Variants in KCTD16 observed in about 807,000 individuals in gnomAD.
The protein encoded by KCTD16 is BTB/POZ domain-containing protein KCTD16.
KCTD16 carries 13 observed loss-of-function variants against 33.2 expected under a neutral mutation model. That is an observed-to-expected ratio of 0.39 (90% CI 0.25 to 0.62). The LOEUF (loss-of-function observed/expected upper bound fraction) is 0.62. Among genes scored for constraint, KCTD16 ranks in the 20% least tolerant of loss-of-function variants. The probability of loss-of-function intolerance (pLI) is 0.50; values close to 1 mark genes in which losing one functional copy is unlikely to be tolerated. For missense variants in KCTD16, 441 were observed against 525.1 expected (o/e 0.84, Z 1.57); for synonymous variants, 197 against 195.3 (o/e 1.01, Z -0.07).
intron 3 of KCTD16, among the ~76,000 whole-genome samples, chr5:144,213,611 A>G (rs557382738): frequency 6.6e-6 from 1 of 152,310 alleles, no homozygotes; most frequent in South Asian, 2.1e-4. Context: ...TAGAGGCCTA[A>G]TCAAATTCAC....
In KCTD16 at chr5:144,235,684, G is replaced by A. The variant is rs371513351; in HGVS notation, c.832+28138G>A. On this transcript the variant is annotated intron_variant, in intron 3 of 3. Transcript: ENST00000512467. ...TATTACTAGTATAGAAATGAGAGAT[G>A]AGAGACTTCAAAAAGCTTTTTAGAT... Among the ~76,000 whole-genome samples, 71 of 152,120 alleles carry A rather than the reference G, an allele frequency of 4.7e-4. 1 individual carries two copies. In the South Asian group the frequency reaches 0.014, roughly 31 times the overall value.
At chr5:144,263,111 A>G (rs972737498) in intron 3 of KCTD16, among the ~76,000 whole-genome samples, 1 of 152,246 alleles carries the variant, frequency 6.6e-6, no homozygotes, top group Non-Finnish European at 1.5e-5. Context: ...GTGAACTGGG[A>G]CATATGGTCA....
rs139606104 is a variant in KCTD16 at position 144,447,245 on chromosome 5, A to T, written c.833-26415A>T. On this transcript the variant is annotated intron_variant, in intron 3 of 3. Transcript: ENST00000512467. ...TTCAGCCATAGCAAAGAATGAGTTCATGTCCTTAGCAGGGACGTGGATGAA... is the reference window on the plus strand; with the variant it reads ...TTCAGCCATAGCAAAGAATGAGTTCTTGTCCTTAGCAGGGACGTGGATGAA... 9.0e-4 allele frequency among the ~76,000 whole-genome samples: 137 copies of T among 152,298 alleles called. 2 individuals are homozygous for T. The East Asian group carries it at 0.024, about 27-fold the overall frequency.
chr5:144,413,386 A>G (rs562507996), intron 3 of KCTD16, among the ~76,000 whole-genome samples: 1 of 152,308 alleles, frequency 6.6e-6, no homozygotes, highest in Admixed American at 6.5e-5. Flanking sequence ...ATTGTGTGGT[A>G]TTTTTTATGG....
intron 3 of KCTD16, among the ~76,000 whole-genome samples, chr5:144,453,462 G>C (rs1018659547): frequency 6.6e-6 from 1 of 152,134 alleles, no homozygotes; most frequent in African/African-American, 2.4e-5. Context: ...TTTCATAAGA[G>C]TCTGAAAGTC....
intron 3 of KCTD16, among the ~76,000 whole-genome samples, chr5:144,352,200 A>G (rs952234066): frequency 2.0e-5 from 3 of 152,214 alleles, no homozygotes; most frequent in Non-Finnish European, 4.4e-5. Flanking sequence ...TAATATGATA[A>G]TGTCCTCTTC....
chr5:144,378,785 AC>A (rs1337493601), intron 3 of KCTD16, among the ~76,000 whole-genome samples: 1 of 152,224 alleles, frequency 6.6e-6, no homozygotes, highest in Non-Finnish European at 1.5e-5. Context: ...CAGCTAATGT[AC>A]CAGGCATGGA....
rs536338982 is a variant in KCTD16, at chr5:144,299,126, A to G, written c.832+91580A>G. 5.9e-4 allele frequency among the ~76,000 whole-genome samples: 14 copies of G among 23,802 alleles called. 1 individual carries two copies. The highest frequency in any genetic ancestry group is 9.1e-4 in the Non-Finnish European group (14 of 15,452). 15.6% of individuals were successfully genotyped at this position (23,802 alleles called of 152,430 possible). Reference sequence around the variant, plus strand: ...TATATATATATATATATATATATATATATATATATATATATATATATATTT... The same window carrying G: ...TATATATATATATATATATATATATGTATATATATATATATATATATATTT... On this transcript the variant is annotated intron_variant, in intron 3 of 3. Coordinates refer to ENST00000512467, the MANE Select transcript of KCTD16 (RefSeq NM_020768.4).
At chr5:144,389,529 TTTA>T (rs1222967360) in intron 3 of KCTD16, among the ~76,000 whole-genome samples, 1 of 152,008 alleles carries the variant, frequency 6.6e-6, no homozygotes, top group African/African-American at 2.4e-5. Flanking sequence ...GAAAAGCAAG[TTTA>T]GGGCTCCCAT....
chr5:144,393,321 C>T (rs190060527), intron 3 of KCTD16, among the ~76,000 whole-genome samples: 8 of 152,144 alleles, frequency 5.3e-5, no homozygotes, highest in East Asian at 1.9e-4. Flanking sequence ...TGTCATTCAA[C>T]GAAGAGAGAG....
intron 3 of KCTD16, among the ~76,000 whole-genome samples, chr5:144,447,570 A>G (rs1753848722): frequency 6.6e-6 from 1 of 152,098 alleles, no homozygotes; most frequent in Non-Finnish European, 1.5e-5. Context: ...AAAAAAGAAA[A>G]AAGAAAAAAC....
At chr5:144,297,434 G>GAT (rs1312642419) in intron 3 of KCTD16, among the ~76,000 whole-genome samples, 2 of 152,212 alleles carry the variant, frequency 1.3e-5, no homozygotes, top group African/African-American at 4.8e-5. Context: ...TACAAGGCCG[G>GAT]ATATCTCTCC....
intron 3 of KCTD16, among the ~76,000 whole-genome samples, chr5:144,365,511 C>T (rs776119763): frequency 1.6e-4 from 25 of 152,252 alleles, no homozygotes; most frequent in Non-Finnish European, 2.8e-4. Flanking sequence ...TTCCTATTCC[C>T]ATTTGAAATT....
intron 2 of KCTD16, among the ~76,000 whole-genome samples, chr5:144,186,351 TTA>T (rs138817141): frequency 0.34 from 40,696 of 121,232 alleles, 6,357 homozygotes; most frequent in African/African-American, 0.5. Flanking sequence ...CTCATTTTTT[TTA>T]AAAAAAAAAA....
intron 3 of KCTD16, among the ~76,000 whole-genome samples, chr5:144,362,249 C>G (rs1297622634): frequency 6.6e-6 from 1 of 152,020 alleles, no homozygotes; most frequent in African/African-American, 2.4e-5. Context: ...ATCCAGGTTG[C>G]CATGGGTGTA....
chr5:144,431,146 A>T (rs986830581), intron 3 of KCTD16, among the ~76,000 whole-genome samples: 2 of 152,152 alleles, frequency 1.3e-5, no homozygotes, highest in African/African-American at 4.8e-5. Flanking sequence ...GAAATTAGAA[A>T]AAAACTCATT....
Position 144,226,835 on chromosome 5 carries a change from A to C in KCTD16, c.832+19289A>C, listed in dbSNP as rs527564263. On this transcript the variant is annotated intron_variant, in intron 3 of 3. Transcript: ENST00000512467. ...TGATCTGCCCGCCTTGGCCTCCCAA[A>C]ATGCTGGGATTACAGGTGTGAGACA... Among the ~76,000 whole-genome samples, 7 of 152,324 alleles carry C rather than the reference A, an allele frequency of 4.6e-5. No individual in the cohort carries two copies. The South Asian group carries it at 1.2e-3, about 27-fold the overall frequency.
intron 3 of KCTD16, among the ~76,000 whole-genome samples, chr5:144,257,064 T>C (rs1157134229): frequency 1.3e-5 from 2 of 152,226 alleles, no homozygotes; most frequent in East Asian, 3.8e-4. Flanking sequence ...ACTTTTTGTG[T>C]ATCTCACTTT....
intron 3 of KCTD16, among the ~76,000 whole-genome samples, chr5:144,214,306 G>C (rs1057124128): frequency 6.6e-6 from 1 of 152,038 alleles, no homozygotes; most frequent in Non-Finnish European, 1.5e-5. Flanking sequence ...TTGCAAATGA[G>C]CTTAAATTGT....
Sources: gnomAD v4.1 joint callset for allele counts (sites outside exome capture counted in the v4.1 genomes callset) on GRCh38, gnomAD v4.1.1 for gene constraint, MANE v1.5 for transcripts, NCBI Gene and HGNC (gene_info 2026-07-23, HGNC 2026-07-21) for gene names.